Variants in SLC30A4 observed in about 807,000 individuals in gnomAD.
SLC30A4 encodes the protein probable proton-coupled zinc antiporter SLC30A4.
SLC30A4 carries 20 observed loss-of-function variants against 41.7 expected under a neutral mutation model. The observed-to-expected ratio is 0.48, with a 90% CI of 0.34 to 0.70. The LOEUF (loss-of-function observed/expected upper bound fraction) is 0.70, where lower values mean the gene tolerates loss of function less well. Among genes scored for constraint, SLC30A4 ranks in the 30% least tolerant of loss-of-function variants. The pLI is 0.01. For synonymous variants in SLC30A4, 181 were observed against 195.9 expected (o/e 0.92, Z 0.64); for missense variants, 441 against 529.3 (o/e 0.83, Z 1.64).
Position 45,488,834 on chromosome 15 carries a change from A to G in SLC30A4, c.894+7T>C. On this transcript the variant is annotated splice_region_variant and intron_variant, in intron 5 of 7. Coordinates refer to ENST00000261867, the MANE Select transcript of SLC30A4 (RefSeq NM_013309.6). ...TTTTAAAATAGAAAAATTACCAATC[A>G]TATTACCTTGAATCGTATGATGTAT... 2 of 1,606,652 alleles carry G rather than the reference A, an allele frequency of 1.2e-6. No individual in the cohort carries two copies. Among genetic ancestry groups the G allele is most frequent in the Non-Finnish European group, 1.7e-6 (2 of 1,174,350 alleles).
At chr15:45,505,667 C>CT (rs1892141387) in intron 3 of SLC30A4, among the ~76,000 whole-genome samples, 1 of 152,134 alleles carries the variant, frequency 6.6e-6, no homozygotes, top group African/African-American at 2.4e-5. Flanking sequence ...GAATCACTGC[C>CT]TCCAGGTCTA....
chr15:45,508,438 G>A (rs975237040), intron 3 of SLC30A4, among the ~76,000 whole-genome samples: 4 of 152,074 alleles, frequency 2.6e-5, no homozygotes, highest in Non-Finnish European at 4.4e-5. Context: ...TTAATCTTCC[G>A]TTTTCAGCCC....
chr15:45,505,187 C>A (rs986566788), intron 3 of SLC30A4, among the ~76,000 whole-genome samples: 2 of 148,422 alleles, frequency 1.3e-5, no homozygotes, highest in Non-Finnish European at 3.0e-5. Context: ...GCCAAGATTG[C>A]GCCATTGCAC....
chr15:45,490,830 A>G lies in SLC30A4; in HGVS notation c.590T>C (p.Phe197Ser). 6.2e-7 allele frequency: 1 copy of G among 1,610,178 alleles called. No homozygotes were observed. The highest frequency in any genetic ancestry group is 8.5e-7 in the Non-Finnish European group (1 of 1,177,560). ...SVLLVYILMG[F>S]LLYEAVQRTI... ...TCTTTGCACAGCTTCATATAAGAGG[A>G]ATCCCATAAGTATATACACCAACAG... Residue 197 changes from phenylalanine to serine, a missense_variant, in exon 4 of 8, where the codon TTC becomes TCC. Transcript: ENST00000261867.
At chr15:45,507,499 C>CTT (rs527747375) in intron 3 of SLC30A4, among the ~76,000 whole-genome samples, 4 of 136,510 alleles carry the variant, frequency 2.9e-5, no homozygotes, top group Non-Finnish European at 3.2e-5. Context: ...TTTCTTTTTC[C>CTT]TTTTTTTTTT....
intron 3 of SLC30A4, among the ~76,000 whole-genome samples, chr15:45,494,439 C>A (rs1228017195): frequency 6.6e-6 from 1 of 152,174 alleles, no homozygotes; most frequent in East Asian, 1.9e-4. Context: ...AATCCCAGCA[C>A]TTTGGGAGGC....
intron 3 of SLC30A4, among the ~76,000 whole-genome samples, chr15:45,491,857 C>CAA (rs539770950): frequency 2.3e-5 from 3 of 131,764 alleles, no homozygotes; most frequent in Admixed American, 7.8e-5. Context: ...AGAGCTGTCT[C>CAA]AAAAAAAAAA....
chr15:45,522,125 A>G lies in SLC30A4; in HGVS notation c.230T>C (p.Leu77Pro). The G allele has an allele frequency of 1.9e-6, 3 of 1,614,248 alleles. No homozygotes were observed. Among genetic ancestry groups the G allele is most frequent in the South Asian group, 1.1e-5 (1 of 91,086 alleles). The change falls in exon 2 of 8, where the codon CTG becomes CCG. Residue 77 changes from leucine to proline, a missense_variant. Around this residue, in one of 3 missense-constraint regions of SLC30A4, gnomAD observed 312 missense variants for 341.9 expected, o/e 0.91. Transcript: ENST00000261867. ...PTLQADDDSL[L>P]DQDLPLTNSQ... Reference sequence around the variant, plus strand: ...GTTGGTCAAAGGTAAGTCTTGGTCCAGTAAGGAATCATCGTCGGCCTGGAG... The same window carrying G: ...GTTGGTCAAAGGTAAGTCTTGGTCCGGTAAGGAATCATCGTCGGCCTGGAG...
chr15:45,495,881 C>A (rs1248608622), intron 3 of SLC30A4, among the ~76,000 whole-genome samples: 1 of 152,132 alleles, frequency 6.6e-6, no homozygotes, highest in Admixed American at 6.5e-5. Flanking sequence ...TCAATGATAT[C>A]CCTTTTCTAG....
chr15:45,487,498 C>T, intron 6 of SLC30A4, 29 bp downstream of exon 6: 1 of 1,080,886 alleles, frequency 9.3e-7, no homozygotes, highest in Non-Finnish European at 1.4e-6. Flanking sequence ...AAGTAATAAA[C>T]TCATAATGAG....
At chr15:45,496,045 C>T (rs1891901528) in intron 3 of SLC30A4, among the ~76,000 whole-genome samples, 1 of 151,546 alleles carries the variant, frequency 6.6e-6, no homozygotes, top group African/African-American at 2.4e-5. Flanking sequence ...GTAATAAATG[C>T]AAAAGGGAAA....
chr15:45,517,550 G>C (rs2467891), intron 2 of SLC30A4, among the ~76,000 whole-genome samples: 1 of 151,262 alleles, frequency 6.6e-6, no homozygotes, highest in South Asian at 2.1e-4. Flanking sequence ...ACGGGGTTTC[G>C]CCATATTGGT....
chr15:45,496,133 TA>T (rs1420300765), intron 3 of SLC30A4, among the ~76,000 whole-genome samples: 1 of 152,208 alleles, frequency 6.6e-6, no homozygotes, highest in Non-Finnish European at 1.5e-5. Flanking sequence ...ACTATCTAAC[TA>T]AAAATTCTAA....
At chr15:45,520,527 G>A (rs924822927) in intron 2 of SLC30A4, among the ~76,000 whole-genome samples, 2 of 151,868 alleles carry the variant, frequency 1.3e-5, no homozygotes, top group African/African-American at 4.9e-5. Context: ...CACCCACCTC[G>A]GCCTCCCAAA....
chr15:45,500,921 T>C (rs1312430411), intron 3 of SLC30A4, among the ~76,000 whole-genome samples: 1 of 151,654 alleles, frequency 6.6e-6, no homozygotes, highest in Admixed American at 6.6e-5. Flanking sequence ...TGACCTCAGG[T>C]GATCCACCCT....
intron 7 of SLC30A4, 89 bp downstream of exon 7, chr15:45,486,522 G>T (rs1386284401): frequency 2.5e-6 from 3 of 1,187,944 alleles, no homozygotes; most frequent in Non-Finnish European, 3.5e-6. Flanking sequence ...CAGCAGAAAA[G>T]TCTTCCTACA....
At chr15:45,521,829 T>G in intron 2 of SLC30A4, 135 bp downstream of exon 2, 1 of 857,500 alleles carries the variant, frequency 1.2e-6, no homozygotes, top group Non-Finnish European at 1.8e-6. Context: ...GTGTGGCCTT[T>G]TCACATGAGA....
chr15:45,511,566 C>T (rs891612494), intron 2 of SLC30A4, among the ~76,000 whole-genome samples: 1 of 152,124 alleles, frequency 6.6e-6, no homozygotes, highest in Non-Finnish European at 1.5e-5. Context: ...TCACTGCAAC[C>T]TCTGCCTTCT....
Position 45,522,392 on chromosome 15 carries a change from G to T in SLC30A4, c.-38C>A. The T allele has an allele frequency of 6.5e-7, 1 of 1,538,802 alleles. No homozygotes were observed. The highest frequency in any genetic ancestry group is 8.7e-7 in the Non-Finnish European group (1 of 1,149,790). On this transcript the variant is annotated 5_prime_UTR_variant, in exon 2 of 8. Coordinates refer to ENST00000261867, the MANE Select transcript of SLC30A4 (RefSeq NM_013309.6). ...GCGGCCGCGGTGCGGAACGGCTTGG[G>T]GGAGGCGGACGGCCGGCGGCGCCTA...
Sources: allele counts gnomAD v4.1 joint callset (sites outside exome capture counted in the v4.1 genomes callset), GRCh38; gene constraint gnomAD v4.1.1; regional missense constraint gnomAD v4.1.1; transcripts MANE v1.5; gene names NCBI Gene and HGNC (gene_info 2026-07-23, HGNC 2026-07-21).